RPTOR: variants seen among roughly 807,000 people sequenced by gnomAD.
The protein encoded by RPTOR is regulatory-associated protein of mTOR.
Under a neutral mutation model 169.9 loss-of-function variants are expected in RPTOR, and 21 were observed. That is an observed-to-expected ratio of 0.12 (90% CI 0.09 to 0.18). The LOEUF (loss-of-function observed/expected upper bound fraction) is 0.18. Among genes scored for constraint, RPTOR ranks in the 10% least tolerant of loss-of-function variants. The pLI, the probability that RPTOR is intolerant of heterozygous loss-of-function variation, is 1.00. For synonymous variants in RPTOR, 732 were observed against 753.2 expected (o/e 0.97, Z 0.46); for missense variants, 1,133 against 1,855.9 (o/e 0.61, Z 7.16).
chr17:80,572,492 A>G (rs1027272278), intron 1 of RPTOR, among the ~76,000 whole-genome samples: 7 of 152,056 alleles, frequency 4.6e-5, no homozygotes, highest in Admixed American at 1.3e-4. Flanking sequence ...GAGCTTTTAT[A>G]TATTTTGAAT....
At chr17:80,837,818 C>G in intron 9 of RPTOR, 104 bp from the exon 10 acceptor site, 2 of 1,086,536 alleles carry the variant, frequency 1.8e-6, no homozygotes, top group African/African-American at 1.5e-5. Context: ...TCCGCCCAGA[C>G]CCTTGCTGCC....
At chr17:80,961,017 A>C in intron 30 of RPTOR, 1 of 273,820 alleles carries the variant, frequency 3.7e-6, no homozygotes. Context: ...CAGTCTGCAC[A>C]GATCGGGGAG....
intron 3 of RPTOR, among the ~76,000 whole-genome samples, chr17:80,692,630 T>A (rs2066002879): frequency 6.6e-6 from 1 of 151,956 alleles, no homozygotes; most frequent in Admixed American, 6.5e-5. Context: ...CTAATTTATT[T>A]ATTTATATTT....
chr17:80,608,396 A>G (rs981005956), intron 1 of RPTOR, among the ~76,000 whole-genome samples: 2 of 152,208 alleles, frequency 1.3e-5, no homozygotes, highest in African/African-American at 4.8e-5. Flanking sequence ...TTTGTGGGCC[A>G]TCATTGGAGT....
chr17:80,738,548 A>G (rs2066454231), intron 5 of RPTOR, among the ~76,000 whole-genome samples: 1 of 152,018 alleles, frequency 6.6e-6, no homozygotes, highest in Non-Finnish European at 1.5e-5. Context: ...TAGCACAGGC[A>G]GCTTCCAGGG....
At chr17:80,733,789 G>A (rs1205421306) in intron 5 of RPTOR, among the ~76,000 whole-genome samples, 3 of 152,242 alleles carry the variant, frequency 2.0e-5, no homozygotes, top group African/African-American at 2.4e-5. Flanking sequence ...CGTCACTCAC[G>A]ACGCCTTCTT....
rs201486449 is a variant in RPTOR, at chr17:80,744,349, C to T, written c.655-9661C>T. On this transcript the variant is annotated intron_variant, in intron 5 of 33. Coordinates refer to ENST00000306801, the MANE Select transcript of RPTOR (RefSeq NM_020761.3). Reference sequence around the variant, plus strand: ...GCCCTGGCTACTAGCACAGCCCTGGCTACTAGCACTGTCCTGGTTACGAGC... The same window carrying T: ...GCCCTGGCTACTAGCACAGCCCTGGTTACTAGCACTGTCCTGGTTACGAGC... 4.0e-3 allele frequency among the ~76,000 whole-genome samples: 126 copies of T among 31,278 alleles called. 6 individuals are homozygous for T. Among genetic ancestry groups the T allele is most frequent in the East Asian group, 0.015 (9 of 602 alleles). 20.5% of individuals were successfully genotyped at this position (31,278 alleles called of 152,430 possible). A position where few individuals can be genotyped will look rare whatever the true frequency, so the allele number is the denominator to read the frequency against.
At chr17:80,827,947 G>A (rs753284838) in intron 9 of RPTOR, among the ~76,000 whole-genome samples, 4 of 152,188 alleles carry the variant, frequency 2.6e-5, no homozygotes, top group Non-Finnish European at 5.9e-5. Flanking sequence ...TGCATGGTAG[G>A]GCCAGGCTGT....
intron 3 of RPTOR, among the ~76,000 whole-genome samples, chr17:80,692,592 A>G (rs1386364757): frequency 6.6e-6 from 1 of 152,084 alleles, no homozygotes; most frequent in Non-Finnish European, 1.5e-5. Flanking sequence ...AAGTGCTAGG[A>G]TTACAGGCGT....
chr17:80,690,326 AAC>A (rs752133550), intron 3 of RPTOR, among the ~76,000 whole-genome samples: 1 of 124,074 alleles, frequency 8.1e-6, no homozygotes. Context: ...TATGCTTCTA[AAC>A]ACACACACAC....
chr17:80,692,637 A>G (rs555076830), intron 3 of RPTOR, among the ~76,000 whole-genome samples: 1 of 152,066 alleles, frequency 6.6e-6, no homozygotes, highest in East Asian at 1.9e-4. Flanking sequence ...ATTTATTTAT[A>G]TTTTTAGTAG....
At chr17:80,580,817 G>A (rs1014398235) in intron 1 of RPTOR, among the ~76,000 whole-genome samples, 6 of 151,954 alleles carry the variant, frequency 3.9e-5, no homozygotes, top group Non-Finnish European at 1.5e-5. Context: ...TTGTAGATAC[G>A]GGGTCTCCCT....
At chr17:80,598,882 TTCTATCTA>T (rs57535540) in intron 1 of RPTOR, among the ~76,000 whole-genome samples, 1,666 of 146,862 alleles carry the variant, frequency 0.011, 15 homozygotes, top group Non-Finnish European at 0.016. Context: ...TCTTGATTCT[TTCTATCTA>T]TCTATCTATC....
chr17:80,909,332 C>G lies in RPTOR; in HGVS notation c.2520+403C>G, dbSNP rs192698184. Among the ~76,000 whole-genome samples, 594 of 152,002 alleles carry G rather than the reference C, an allele frequency of 3.9e-3. 2 individuals are homozygous for G. Among genetic ancestry groups the G allele is most frequent in the Non-Finnish European group, 6.5e-3 (441 of 67,952 alleles). On this transcript the variant is annotated intron_variant, in intron 21 of 33. Coordinates refer to ENST00000306801, the MANE Select transcript of RPTOR (RefSeq NM_020761.3). Reference sequence around the variant, plus strand: ...CTGGGCTCAAGGGATCCTCCTGCCTCAGCCTCCCAAAGTGCTGGGATTACA... The same window carrying G: ...CTGGGCTCAAGGGATCCTCCTGCCTGAGCCTCCCAAAGTGCTGGGATTACA...
At position 80,803,603 on chromosome 17, in the gene RPTOR, A is replaced by G. The variant is rs2067185862; in HGVS notation, c.890+12094A>G. ...GGCCTCGGGTTCCAGGCTCGAGCGC[A>G]CTTTTCAGACCCCGCGTGTGTTTCT... On this transcript the variant is annotated intron_variant, in intron 7 of 33. Transcript: ENST00000306801. The surrounding 1 kb of genome is among the most constrained non-coding windows in gnomAD (Gnocchi z 6.2). 6.6e-6 allele frequency: 1 copy of G among 152,140 alleles called. No homozygotes were observed. The highest frequency in any genetic ancestry group is 2.4e-5 in the African/African-American group (1 of 41,414). 9.4% of individuals were successfully genotyped at this position (152,140 alleles called of 1,614,324 possible).
chr17:80,665,541 TTTTCCTTTCCCC>T (rs1366270708), intron 3 of RPTOR, among the ~76,000 whole-genome samples: 1 of 143,172 alleles, frequency 7.0e-6, no homozygotes, highest in Non-Finnish European at 1.5e-5. Flanking sequence ...TTTCCTTTCC[TTTTCCTTTCCCC>T]TTTCCTTTCC....
At chr17:80,696,929 A>G (rs1427230658) in intron 3 of RPTOR, among the ~76,000 whole-genome samples, 1 of 152,136 alleles carries the variant, frequency 6.6e-6, no homozygotes, top group Non-Finnish European at 1.5e-5. Context: ...TCTTCCATCC[A>G]CAGTCCAACA....
At chr17:80,587,716 T>C (rs147645884) in intron 1 of RPTOR, among the ~76,000 whole-genome samples, 9 of 152,238 alleles carry the variant, frequency 5.9e-5, no homozygotes, top group African/African-American at 1.9e-4. Flanking sequence ...TTGATAGATA[T>C]ATACATTGGG....
At position 80,844,980 on chromosome 17, in the gene RPTOR, T is replaced by TG. The variant is rs1294711289; in HGVS notation, c.1213-1493_1213-1492insG. On this transcript the variant is annotated intron_variant, in intron 10 of 33. Transcript: ENST00000306801. This position sits in a 1 kb window ranked among gnomAD's most constrained non-coding sequence, Gnocchi z 4.7. The stretch of plus-strand genomic sequence containing the variant: ...GGGAGAGAGAGGCTGGTAGTTGTTT[T>TG]TTTTTTTTTCTTTAATTCTTTGTAT... Among the ~76,000 whole-genome samples, 1 of 151,078 alleles carries TG rather than the reference T, an allele frequency of 6.6e-6. No homozygotes were observed. Among genetic ancestry groups the TG allele is most frequent in the East Asian group, 1.9e-4 (1 of 5,172 alleles).
Sources: gnomAD v4.1 joint callset for allele counts (sites outside exome capture counted in the v4.1 genomes callset) on GRCh38, gnomAD v4.1.1 for gene constraint, Gnocchi (gnomAD v3.1) non-coding constraint, MANE v1.5 for transcripts, NCBI Gene and HGNC (gene_info 2026-07-23, HGNC 2026-07-21) for gene names.